The following XKR4 variants were observed in gnomAD, a reference collection of about 807,000 sequenced individuals.
XKR4 encodes the protein XK-related protein 4.
A neutral mutation model predicts 53.9 loss-of-function variants in XKR4; 12 were observed. The observed-to-expected ratio is 0.22, with a 90% CI of 0.14 to 0.36. The LOEUF is 0.36. Among genes scored for constraint, XKR4 ranks in the 10% least tolerant of loss-of-function variants. XKR4 has a pLI of 1.00. For synonymous variants in XKR4, 354 were observed against 362.4 expected (o/e 0.98, Z 0.26); for missense variants, 799 against 859.5 (o/e 0.93, Z 0.88).
intron 1 of XKR4, among the ~76,000 whole-genome samples, chr8:55,271,099 T>A (rs185859457): frequency 8.2e-4 from 125 of 152,246 alleles, no homozygotes; most frequent in South Asian, 5.6e-3. Flanking sequence ...CCTTTTTTTT[T>A]AAATCATGAC....
At chr8:55,144,280 C>T (rs1001099933) in intron 1 of XKR4, among the ~76,000 whole-genome samples, 1 of 151,996 alleles carries the variant, frequency 6.6e-6, no homozygotes, top group African/African-American at 2.4e-5. Flanking sequence ...GAGAATTATG[C>T]TTTCTTTAAT....
intron 2 of XKR4, chr8:55,453,048 C>G (rs111527620): frequency 6.5e-5 from 40 of 610,974 alleles, no homozygotes; most frequent in African/African-American, 6.0e-4. Context: ...AAGGTGCCTC[C>G]CCAACCTCCT....
chr8:55,176,594 C>T (rs1817239034), intron 1 of XKR4, among the ~76,000 whole-genome samples: 1 of 152,196 alleles, frequency 6.6e-6, no homozygotes, highest in Admixed American at 6.5e-5. Context: ...ACGCACAAGA[C>T]ATTGTTACTC....
Position 55,535,736 on chromosome 8 carries a change from A to G in XKR4, c.*11509A>G, listed in dbSNP as rs1181258761. On this transcript the variant is annotated 3_prime_UTR_variant, in exon 3 of 3. Transcript: ENST00000327381. ...CTTTTCACAGAGCAGAGAAGTTCAA[A>G]ATAGTCACAGCCAGTCCATAACTAT... The G allele has an allele frequency of 6.6e-6, 1 of 152,202 alleles. No homozygotes were observed. Among genetic ancestry groups the G allele is most frequent in the Non-Finnish European group, 1.5e-5 (1 of 68,074 alleles). 9.4% of individuals were successfully genotyped at this position (152,202 alleles called of 1,614,324 possible). A position where few individuals can be genotyped will look rare whatever the true frequency, so the allele number is the denominator to read the frequency against.
chr8:55,256,121 G>A (rs1818436889), intron 1 of XKR4, among the ~76,000 whole-genome samples: 1 of 151,804 alleles, frequency 6.6e-6, no homozygotes, highest in African/African-American at 2.4e-5. Flanking sequence ...AGGAAGGCAG[G>A]GTAAAAGTAT....
At chr8:55,291,779 AT>A (rs528790223) in intron 1 of XKR4, among the ~76,000 whole-genome samples, 14 of 152,138 alleles carry the variant, frequency 9.2e-5, no homozygotes, top group Non-Finnish European at 1.5e-4. Context: ...GGGATTTTCT[AT>A]GTAGACAATC....
At chr8:55,338,953 C>A (rs1376351195) in intron 1 of XKR4, among the ~76,000 whole-genome samples, 1 of 152,066 alleles carries the variant, frequency 6.6e-6, no homozygotes, top group Non-Finnish European at 1.5e-5. Flanking sequence ...AGCTGTTGAC[C>A]AGTAGATAGT....
intron 1 of XKR4, among the ~76,000 whole-genome samples, chr8:55,327,721 G>T (rs950692156): frequency 2.0e-5 from 3 of 152,030 alleles, no homozygotes; most frequent in Non-Finnish European, 4.4e-5. Context: ...ACATTCTTTG[G>T]TCATAAAGAA....
chr8:55,389,123 C>T (rs921649735), intron 2 of XKR4, among the ~76,000 whole-genome samples: 4 of 152,168 alleles, frequency 2.6e-5, no homozygotes, highest in Non-Finnish European at 5.9e-5. Context: ...CTCGCTGCCA[C>T]CAGCTAGGGA....
intron 1 of XKR4, among the ~76,000 whole-genome samples, chr8:55,129,319 G>A (rs16921186): frequency 0.033 from 4,991 of 152,238 alleles, 284 homozygotes; most frequent in African/African-American, 0.11. Flanking sequence ...AAATTCCAAT[G>A]AAAAAAATTC....
At chr8:55,256,752 G>T (rs1393804027) in intron 1 of XKR4, among the ~76,000 whole-genome samples, 2 of 152,204 alleles carry the variant, frequency 1.3e-5, no homozygotes, top group Non-Finnish European at 2.9e-5. Flanking sequence ...CAGGTCATCT[G>T]CACCTGGAAG....
intron 1 of XKR4, among the ~76,000 whole-genome samples, chr8:55,115,560 G>A (rs1054055077): frequency 3.9e-5 from 6 of 152,108 alleles, no homozygotes; most frequent in African/African-American, 9.7e-5. Flanking sequence ...CACGCTGGGC[G>A]GATCATGAGG....
chr8:55,435,621 G>A (rs533027634), intron 2 of XKR4, among the ~76,000 whole-genome samples: 3 of 149,700 alleles, frequency 2.0e-5, no homozygotes, highest in Non-Finnish European at 3.0e-5. Context: ...TCAAGAAAGA[G>A]TGCAGTGGCA....
At chr8:55,444,670 C>T (rs1205981537) in intron 2 of XKR4, among the ~76,000 whole-genome samples, 1 of 152,108 alleles carries the variant, frequency 6.6e-6, no homozygotes, top group Middle Eastern at 3.2e-3. Context: ...TTACACAATG[C>T]CAAGGGTTGG....
chr8:55,319,462 G>A (rs1181871127), intron 1 of XKR4, among the ~76,000 whole-genome samples: 1 of 152,150 alleles, frequency 6.6e-6, no homozygotes, highest in Non-Finnish European at 1.5e-5. Flanking sequence ...TTATTGCAGT[G>A]AAGTCATTTG....
chr8:55,132,139 G>A (rs1052997567), intron 1 of XKR4, among the ~76,000 whole-genome samples: 1 of 152,190 alleles, frequency 6.6e-6, no homozygotes, highest in African/African-American at 2.4e-5. Flanking sequence ...TCAATTTATT[G>A]AGCTTGTATC....
intron 2 of XKR4, among the ~76,000 whole-genome samples, chr8:55,408,922 C>T (rs1389590050): frequency 6.6e-6 from 1 of 151,348 alleles, no homozygotes; most frequent in East Asian, 1.9e-4. Context: ...TAGAAGAATC[C>T]CTTGAACCCG....
At chr8:55,349,792 C>G (rs1185924221) in intron 1 of XKR4, among the ~76,000 whole-genome samples, 1 of 152,150 alleles carries the variant, frequency 6.6e-6, no homozygotes, top group Non-Finnish European at 1.5e-5. Context: ...AATAAGGACA[C>G]TTATCACTAC....
chr8:55,504,826 A>G (rs1368239228), intron 2 of XKR4, among the ~76,000 whole-genome samples: 1 of 152,074 alleles, frequency 6.6e-6, no homozygotes, highest in African/African-American at 2.4e-5. Context: ...CTTTTAGATT[A>G]CCCAATTCTA....
Sources: gnomAD v4.1 joint callset for allele counts (sites outside exome capture counted in the v4.1 genomes callset) on GRCh38, gnomAD v4.1.1 for gene constraint, MANE v1.5 for transcripts, NCBI Gene and HGNC (gene_info 2026-07-23, HGNC 2026-07-21) for gene names.